ANKFN1: variants seen among roughly 807,000 people sequenced by gnomAD.
ANKFN1 encodes the protein ankyrin repeat and fibronectin type-III domain-containing protein 1.
A neutral mutation model predicts 108.7 loss-of-function variants in ANKFN1; 74 were observed. The observed-to-expected ratio is 0.68, with a 90% confidence interval of 0.56 to 0.83. ANKFN1 has a LOEUF of 0.83. Ranked by LOEUF, ANKFN1 falls within the 40% of genes least tolerant of loss-of-function variation. The pLI, the probability that ANKFN1 is intolerant of heterozygous loss-of-function variation, is 0.00. For synonymous variants in ANKFN1, 547 were observed against 516.2 expected (o/e 1.06, Z -0.81); for missense variants, 1,505 against 1,382.3 (o/e 1.09, Z -1.41).
At chr17:56,215,826 C>T (rs1915385197) in intron 2 of ANKFN1, 1 of 152,564 alleles carries the variant, frequency 6.6e-6, no homozygotes, top group Non-Finnish European at 1.5e-5. Flanking sequence ...GTCCCGGGCA[C>T]AGGTATCGGT....
At chr17:56,140,073 A>G (rs1907828721) in intron 4 of ANKFN1, among the ~76,000 whole-genome samples, 1 of 152,226 alleles carries the variant, frequency 6.6e-6, no homozygotes, top group Non-Finnish European at 1.5e-5. Flanking sequence ...ATGGACGTGT[A>G]TATTTAGAAG....
chr17:56,101,294 ACTT>A lies in ANKFN1; in HGVS notation c.288+54976_288+54978del, dbSNP rs550467880. On this transcript the variant is annotated intron_variant, in intron 4 of 12. Transcript: ENST00000635860. ...GTCTTCTTACAATTCTTTCCTCCCC[ACTT>A]CTTCTTTACCATATAGGAAACAAAT... Among the ~76,000 whole-genome samples, 57 of 152,232 alleles carry A rather than the reference ACTT, an allele frequency of 3.7e-4. 1 individual carries two copies. Among genetic ancestry groups the A allele is most frequent in the South Asian group, 3.5e-3 (17 of 4,824 alleles).
At chr17:56,279,100 A>C (rs965466202) in intron 3 of ANKFN1, among the ~76,000 whole-genome samples, 1 of 152,208 alleles carries the variant, frequency 6.6e-6, no homozygotes, top group Non-Finnish European at 1.5e-5. Context: ...GCACAGTGCT[A>C]ATGAGAATAT....
At chr17:56,169,238 A>G (rs945591231) in intron 1 of ANKFN1, among the ~76,000 whole-genome samples, 4 of 152,102 alleles carry the variant, frequency 2.6e-5, no homozygotes, top group Admixed American at 6.5e-5. Flanking sequence ...TTTAATTTCC[A>G]TTAGAGAACT....
chr17:56,466,614 C>A, intron 15 of ANKFN1, 43 bp downstream of exon 15: 1 of 1,510,152 alleles, frequency 6.6e-7, no homozygotes, highest in Non-Finnish European at 9.0e-7. Context: ...CTTAAGGTTC[C>A]AAACCCAATT....
At chr17:56,428,792 C>T (rs2048660376) in intron 8 of ANKFN1, among the ~76,000 whole-genome samples, 1 of 152,052 alleles carries the variant, frequency 6.6e-6, no homozygotes, top group Admixed American at 6.6e-5. Context: ...TGCTCTCAAC[C>T]AGCAGACTGT....
At chr17:56,129,678 ATATTG>A (rs903615216) in intron 4 of ANKFN1, among the ~76,000 whole-genome samples, 1 of 152,158 alleles carries the variant, frequency 6.6e-6, no homozygotes, top group Admixed American at 6.5e-5. Flanking sequence ...TTTTAAATGT[ATATTG>A]TATTTGTCTT....
chr17:56,082,807 TC>T (rs531307110), intron 4 of ANKFN1, among the ~76,000 whole-genome samples: 1 of 152,136 alleles, frequency 6.6e-6, no homozygotes, highest in Non-Finnish European at 1.5e-5. Context: ...GATGTACCGT[TC>T]AGTGAACTTG....
intron 1 of ANKFN1, among the ~76,000 whole-genome samples, chr17:56,192,297 C>T (rs1473041447): frequency 1.5e-5 from 2 of 136,624 alleles, no homozygotes; most frequent in Non-Finnish European, 3.1e-5. Context: ...CCATAAAAAC[C>T]CTAGAAGAAA....
chr17:56,141,786 TG>T (rs1207546157), intron 4 of ANKFN1, among the ~76,000 whole-genome samples: 1 of 152,064 alleles, frequency 6.6e-6, no homozygotes, highest in African/African-American at 2.4e-5. Context: ...ACAATCAGTG[TG>T]GGGGTGGATA....
chr17:56,495,014 G>A (rs556390757), intron 19 of ANKFN1, among the ~76,000 whole-genome samples: 1 of 152,064 alleles, frequency 6.6e-6, no homozygotes, highest in African/African-American at 2.4e-5. Flanking sequence ...CCATTAAGTG[G>A]GTTGGATAAA....
At chr17:56,125,517 T>G (rs1906870521) in intron 4 of ANKFN1, among the ~76,000 whole-genome samples, 1 of 152,200 alleles carries the variant, frequency 6.6e-6, no homozygotes, top group South Asian at 2.1e-4. Flanking sequence ...ATAATTATAA[T>G]GATAACTAAA....
intron 3 of ANKFN1, among the ~76,000 whole-genome samples, chr17:56,289,122 T>A (rs1201768692): frequency 6.6e-6 from 1 of 152,160 alleles, no homozygotes; most frequent in African/African-American, 2.4e-5. Context: ...TCTCTCATTG[T>A]TTCAAGAAAA....
intron 8 of ANKFN1, among the ~76,000 whole-genome samples, chr17:56,396,804 A>T (rs182838790): frequency 1.2e-3 from 187 of 152,200 alleles, no homozygotes; most frequent in African/African-American, 4.3e-3. Context: ...AGTATATGCC[A>T]GAATCAAATT....
chr17:56,263,510 C>T (rs1471328007), intron 3 of ANKFN1, among the ~76,000 whole-genome samples: 2 of 152,210 alleles, frequency 1.3e-5, no homozygotes, highest in East Asian at 1.9e-4. Flanking sequence ...ATCATTTATA[C>T]ACCATTAAAG....
At chr17:56,188,763 C>T (rs530462229) in intron 1 of ANKFN1, among the ~76,000 whole-genome samples, 1 of 151,424 alleles carries the variant, frequency 6.6e-6, no homozygotes, top group African/African-American at 2.4e-5. Context: ...CTCCTAAATC[C>T]CTCAGAATAT....
chr17:56,370,048 C>T (rs1412258850), intron 6 of ANKFN1, among the ~76,000 whole-genome samples: 8 of 152,120 alleles, frequency 5.3e-5, no homozygotes, highest in Admixed American at 3.3e-4. Flanking sequence ...TCCAAGAAGA[C>T]ACATTCATTC....
At chr17:56,492,487 G>A in intron 19 of ANKFN1, 134 bp downstream of exon 19, 1 of 545,488 alleles carries the variant, frequency 1.8e-6, no homozygotes, top group Non-Finnish European at 3.3e-6. Flanking sequence ...CTATTGAGTT[G>A]GTTAAAATGT....
intron 3 of ANKFN1, among the ~76,000 whole-genome samples, chr17:56,308,449 G>A (rs2044909414): frequency 6.6e-6 from 1 of 151,978 alleles, no homozygotes; most frequent in Non-Finnish European, 1.5e-5. Flanking sequence ...TGGTCTTTTT[G>A]TAGATTTGTT....
Sources: gnomAD v4.1 joint callset for allele counts (sites outside exome capture counted in the v4.1 genomes callset) on GRCh38, gnomAD v4.1.1 for gene constraint, MANE v1.5 for transcripts, NCBI Gene and HGNC (gene_info 2026-07-23, HGNC 2026-07-21) for gene names.